The following TBC1D2B variants were observed in gnomAD, a reference collection of about 807,000 sequenced individuals.
The protein encoded by TBC1D2B is TBC1 domain family, member 2B.
Under a neutral mutation model 100.8 loss-of-function variants are expected in TBC1D2B, and 64 were observed. The ratio of observed to expected loss-of-function variants is 0.64; its 90% CI spans 0.52 to 0.78. The LOEUF (loss-of-function observed/expected upper bound fraction) is 0.78, where lower values mean the gene tolerates loss of function less well. TBC1D2B is among the 30% of genes least tolerant of loss of function. The probability of loss-of-function intolerance (pLI) is 0.00; values close to 1 mark genes in which losing one functional copy is unlikely to be tolerated. For missense variants in TBC1D2B, 1,052 were observed against 1,218.4 expected (o/e 0.86, Z 2.03); for synonymous variants, 480 against 479.7 (o/e 1.00, Z -0.01).
intron 1 of TBC1D2B, among the ~76,000 whole-genome samples, chr15:78,064,265 C>T (rs900021225): frequency 1.3e-5 from 2 of 152,172 alleles, no homozygotes; most frequent in Non-Finnish European, 2.9e-5. Context: ...CTCTATGTGA[C>T]GCACACCATC....
chr15:78,066,292 G>A (rs1216584231), intron 1 of TBC1D2B, among the ~76,000 whole-genome samples: 1 of 152,272 alleles, frequency 6.6e-6, no homozygotes, highest in African/African-American at 2.4e-5. Flanking sequence ...TCAACCCGAG[G>A]ATGGAGGGCT....
In TBC1D2B at chr15:78,077,389, G is replaced by A; in HGVS notation, c.264C>T (p.Cys88=). The change falls in exon 1 of 13, where the codon TGC becomes TGT. Residue 88 remains cysteine, a synonymous_variant. Transcript: ENST00000300584. ...CCTCGTCGGGGCCCTGGTAGCTGAAGCAGGCGTCCGCGATGTCCAAGTGGC... is the reference window on the plus strand; with the variant it reads ...CCTCGTCGGGGCCCTGGTAGCTGAAACAGGCGTCCGCGATGTCCAAGTGGC... The part of the protein sequence containing the change: ...PLGHLDIADA[C]FSYQGPDEAA... 6.5e-7 allele frequency: 1 copy of A among 1,544,566 alleles called. No homozygotes were observed. Among genetic ancestry groups the A allele is most frequent in the African/African-American group, 1.4e-5 (1 of 72,004 alleles).
intron 3 of TBC1D2B, among the ~76,000 whole-genome samples, chr15:78,040,598 G>C (rs1237886944): frequency 3.8e-5 from 1 of 26,152 alleles, no homozygotes; most frequent in African/African-American, 6.5e-5. Flanking sequence ...GAAAGAAAGA[G>C]AGAAAGTGAG....
chr15:77,996,379 G>C lies in TBC1D2B; in HGVS notation c.*1781C>G, dbSNP rs1185410913. 1.3e-5 allele frequency: 2 copies of C among 152,020 alleles called. No individual in the cohort carries two copies. The highest frequency in any genetic ancestry group is 1.3e-4 in the Admixed American group (2 of 15,260). 9.4% of individuals were successfully genotyped at this position (152,020 alleles called of 1,614,324 possible). On this transcript the variant is annotated 3_prime_UTR_variant, in exon 13 of 13. Transcript: ENST00000300584. ...GCCCCATTCCTGCTGCACCTCCTCA[G>C]CAGCCGCCCCCCAGGCTGACAGCTG...
At chr15:78,027,603 G>T (rs546283186) in intron 4 of TBC1D2B, among the ~76,000 whole-genome samples, 1 of 152,308 alleles carries the variant, frequency 6.6e-6, no homozygotes, top group African/African-American at 2.4e-5. Flanking sequence ...TAGGCAGAGG[G>T]CTAAGAAGGC....
At chr15:78,000,558 T>C (rs1304275299) in intron 12 of TBC1D2B, among the ~76,000 whole-genome samples, 1 of 152,244 alleles carries the variant, frequency 6.6e-6, no homozygotes, top group Admixed American at 6.5e-5. Flanking sequence ...CAGGGCACTG[T>C]TGTTGGTGCT....
intron 1 of TBC1D2B, among the ~76,000 whole-genome samples, chr15:78,060,872 G>A (rs375120597): frequency 6.6e-6 from 1 of 151,572 alleles, no homozygotes; most frequent in African/African-American, 2.4e-5. Flanking sequence ...AGCCGAGATC[G>A]CGCCACTGCA....
At chr15:78,017,292 AG>A (rs1314456296) in intron 7 of TBC1D2B, 1 of 153,812 alleles carries the variant, frequency 6.5e-6, no homozygotes, top group Non-Finnish European at 1.4e-5. Flanking sequence ...ATTTGATGAC[AG>A]CTGAAATGTT....
intron 3 of TBC1D2B, among the ~76,000 whole-genome samples, chr15:78,033,518 C>T (rs763882944): frequency 2.0e-5 from 3 of 152,132 alleles, no homozygotes; most frequent in Non-Finnish European, 4.4e-5. Context: ...AGGGATCAAC[C>T]GCAAAGGAAC....
chr15:78,028,614 T>G (rs1487527999), intron 4 of TBC1D2B, among the ~76,000 whole-genome samples: 1 of 152,204 alleles, frequency 6.6e-6, no homozygotes, highest in Non-Finnish European at 1.5e-5. Context: ...AAACCAGACA[T>G]GATGTGGCTT....
intron 12 of TBC1D2B, 173 bp from the exon 13 acceptor site, chr15:77,998,528 A>G (rs560956989): frequency 3.4e-5 from 19 of 563,646 alleles, no homozygotes; most frequent in Non-Finnish European, 5.8e-5. Flanking sequence ...GACAAAGCAC[A>G]ATGGCCCAGC....
At chr15:78,040,709 G>A (rs573358882) in intron 3 of TBC1D2B, among the ~76,000 whole-genome samples, 4 of 134,566 alleles carry the variant, frequency 3.0e-5, no homozygotes, top group African/African-American at 1.1e-4. Flanking sequence ...GAGGGAGGGA[G>A]GAAGGAAGGA....
chr15:77,995,695 T>C lies in TBC1D2B; in HGVS notation c.*2465A>G, dbSNP rs1315025944. The C allele has an allele frequency of 6.6e-6, 1 of 152,540 alleles. No homozygotes were observed. Among genetic ancestry groups the C allele is most frequent in the African/African-American group, 2.4e-5 (1 of 41,472 alleles). The allele number at this position is 152,540 out of a possible 1,614,324, so 9.4% of individuals were successfully genotyped here. A position where few individuals can be genotyped will look rare whatever the true frequency, so the allele number is the denominator to read the frequency against. The stretch of plus-strand genomic sequence containing the variant: ...CATCCATTTAAAAGTTGGCAATTCC[T>C]AGCAGGTGTTGGGAGGGAGCTCCCC... On this transcript the variant is annotated 3_prime_UTR_variant, in exon 13 of 13. Coordinates refer to ENST00000300584, the MANE Select transcript of TBC1D2B (RefSeq NM_144572.2).
intron 3 of TBC1D2B, among the ~76,000 whole-genome samples, chr15:78,039,621 A>C (rs550171786): frequency 2.0e-5 from 3 of 152,248 alleles, no homozygotes; most frequent in Admixed American, 1.3e-4. Context: ...GGGTAACAAC[A>C]GTGGCAGCAA....
chr15:78,005,524 G>A (rs1465627533), intron 10 of TBC1D2B, among the ~76,000 whole-genome samples: 1 of 152,194 alleles, frequency 6.6e-6, no homozygotes, highest in Non-Finnish European at 1.5e-5. Context: ...CGATAAGTGG[G>A]AGGATAATTA....
chr15:78,067,589 G>A (rs751866207), intron 1 of TBC1D2B, among the ~76,000 whole-genome samples: 7 of 152,234 alleles, frequency 4.6e-5, no homozygotes, highest in Non-Finnish European at 1.0e-4. Context: ...GCCACGGCCA[G>A]GCCTGCCATC....
At chr15:78,008,544 C>T (rs1469401437) in intron 10 of TBC1D2B, among the ~76,000 whole-genome samples, 1 of 152,232 alleles carries the variant, frequency 6.6e-6, no homozygotes, top group East Asian at 1.9e-4. Flanking sequence ...CATCCTCCTC[C>T]CTTCCTGGGG....
At chr15:78,039,447 G>A (rs558830194) in intron 3 of TBC1D2B, among the ~76,000 whole-genome samples, 57 of 152,244 alleles carry the variant, frequency 3.7e-4, no homozygotes, top group African/African-American at 4.6e-4. Flanking sequence ...GGATCAGAGC[G>A]GGGCCAACTG....
rs35158676 is a variant in TBC1D2B, at chr15:78,024,204, AG to A, written c.1421del (p.Pro474LeufsTer16). ...GPPPTVAPSS[P>X]SVVPVARDQL... is the part of the protein sequence containing the mutation. ...GGTCCCTGGCAACAGGCACAACCGA[AG>A]GGGAGCTGGGCGCCACGGTGGGAGG... On this transcript the variant is annotated frameshift_variant, in exon 6 of 13. Coordinates refer to ENST00000300584, the MANE Select transcript of TBC1D2B (RefSeq NM_144572.2). LOFTEE classifies it high-confidence loss of function. The A allele has an allele frequency of 2.5e-6, 4 of 1,613,830 alleles. No homozygotes were observed. The highest frequency in any genetic ancestry group is 3.4e-6 in the Non-Finnish European group (4 of 1,179,882).
Sources: allele counts gnomAD v4.1 joint callset (sites outside exome capture counted in the v4.1 genomes callset), GRCh38; gene constraint gnomAD v4.1.1; transcripts MANE v1.5; gene names NCBI Gene and HGNC (gene_info 2026-07-23, HGNC 2026-07-21).